CUL2: variants seen among roughly 807,000 people sequenced by gnomAD.
The protein encoded by CUL2 is cullin 2, also known as cullin-2.
CUL2 carries 22 observed loss-of-function variants against 110.2 expected under a neutral mutation model. The ratio of observed to expected loss-of-function variants is 0.20; its 90% CI spans 0.14 to 0.28. The LOEUF (loss-of-function observed/expected upper bound fraction) is 0.28. Ranked by LOEUF, CUL2 falls within the 10% of genes least tolerant of loss-of-function variation. CUL2 has a pLI of 1.00. For missense variants in CUL2, 631 were observed against 905.5 expected (o/e 0.70, Z 3.89); for synonymous variants, 279 against 293.2 (o/e 0.95, Z 0.49).
intron 1 of CUL2, among the ~76,000 whole-genome samples, chr10:35,077,481 A>G (rs2086848763): frequency 6.6e-6 from 1 of 151,970 alleles, no homozygotes; most frequent in South Asian, 2.1e-4. Flanking sequence ...TGGACAACAG[A>G]GCAAGACTCC....
At chr10:35,045,742 T>G (rs1588993242) in intron 6 of CUL2, among the ~76,000 whole-genome samples, 1 of 151,642 alleles carries the variant, frequency 6.6e-6, no homozygotes, top group Non-Finnish European at 1.5e-5. Context: ...AAAATAAAAA[T>G]AAAATAGAAA....
At chr10:35,014,861 A>G (rs962662107) in intron 18 of CUL2, among the ~76,000 whole-genome samples, 1 of 152,214 alleles carries the variant, frequency 6.6e-6, no homozygotes, top group Non-Finnish European at 1.5e-5. Context: ...AATAAAATTT[A>G]AAGTGCAAAC....
In CUL2 at chr10:35,033,175, C is replaced by T. The variant is rs768731643; in HGVS notation, c.1101G>A (p.Ala367=). The stretch of plus-strand genomic sequence containing the variant: ...TGTATTTAAAACTTACCTTATCCAA[C>T]GCACTCATAAAATGCTGATCACCAT... ...VLNGDQHFMS[A]LDKALTSVVN... is the part of the protein sequence containing the mutation. The change falls in exon 11 of 21, where the codon GCG becomes GCA. Residue 367 remains alanine (A), a synonymous_variant. Transcript: ENST00000374749. 9.9e-6 allele frequency: 16 copies of T among 1,609,272 alleles called. No homozygotes were observed. The East Asian group carries it at 1.1e-4, about 11-fold the overall frequency.
At chr10:35,029,715 G>A (rs1367124922) in intron 14 of CUL2, 75 bp from the exon 15 acceptor site, 42 of 1,073,746 alleles carry the variant, frequency 3.9e-5, no homozygotes, top group South Asian at 3.0e-4. Context: ...ATAATGTGTC[G>A]GTATTGCTAG....
intron 8 of CUL2, among the ~76,000 whole-genome samples, chr10:35,041,741 T>C (rs1366588760): frequency 6.6e-6 from 1 of 152,152 alleles, no homozygotes; most frequent in African/African-American, 2.4e-5. Context: ...TTTGCCACGT[T>C]GCCCAGGCTT....
In CUL2 at chr10:35,054,490, G is replaced by T. The variant is rs748930790; in HGVS notation, c.367C>A (p.Leu123Ile). The stretch of plus-strand genomic sequence containing the variant: ...TCTACACCACCATAGCCATACTGAA[G>T]GTCCGCTTCTGTTAATTTATTCTTT... ...IKKNKLTEAD[L>I]QYGYGGVDMN... The change falls in exon 5 of 21, where the codon CTT (leucine) becomes ATT (isoleucine). Residue 123 changes from leucine to isoleucine, a missense_variant. By Grantham distance (5) the Leu-to-Ile change is conservative (BLOSUM62 2). Transcript: ENST00000374749. The T allele has an allele frequency of 3.3e-5, 53 of 1,594,698 alleles. No individual in the cohort carries two copies. The highest frequency in any genetic ancestry group is 4.4e-5 in the Non-Finnish European group (52 of 1,171,990).
chr10:35,099,644 T>C (rs1210767786), intron 2 of CUL2: 1 of 152,016 alleles, frequency 6.6e-6, no homozygotes, highest in Non-Finnish European at 1.5e-5. Flanking sequence ...TGTGTGGTGG[T>C]GCATGCCTAT....
Position 35,031,733 on chromosome 10 carries a change from T to C in CUL2, c.1171-114A>G. Reference sequence around the variant, plus strand: ...ATCAGCGGACAGAATTTTTGCTGTTTTTTTTAGAGACCGGGTCTTGCTCTG... The same window carrying C: ...ATCAGCGGACAGAATTTTTGCTGTTCTTTTTAGAGACCGGGTCTTGCTCTG... On this transcript the variant is annotated intron_variant, in intron 12 of 20. Coordinates refer to ENST00000374749, the MANE Select transcript of CUL2 (RefSeq NM_003591.4). This position sits in a 1 kb window ranked among gnomAD's most constrained non-coding sequence, Gnocchi z 4.4. The C allele has an allele frequency of 9.0e-7, 1 of 1,107,156 alleles. No homozygotes were observed. The highest frequency in any genetic ancestry group is 1.3e-6 in the Non-Finnish European group (1 of 764,170). 68.6% of individuals were successfully genotyped at this position (1,107,156 alleles called of 1,614,324 possible).
At chr10:35,125,555 C>T (rs996161689) in intron 1 of CUL2, among the ~76,000 whole-genome samples, 3 of 152,190 alleles carry the variant, frequency 2.0e-5, no homozygotes, top group Admixed American at 6.5e-5. Context: ...TATGAAAACA[C>T]TCTGACACTA....
chr10:35,114,461 C>T (rs939508180), intron 1 of CUL2, among the ~76,000 whole-genome samples: 2 of 151,932 alleles, frequency 1.3e-5, no homozygotes, highest in Non-Finnish European at 2.9e-5. Context: ...TAGCTTACTG[C>T]AACTTCTGCC....
intron 1 of CUL2, among the ~76,000 whole-genome samples, chr10:35,084,744 T>C (rs995418644): frequency 5.3e-5 from 8 of 152,196 alleles, no homozygotes; most frequent in Non-Finnish European, 1.0e-4. Flanking sequence ...TGCTTGTTTT[T>C]CCAAGATTTA....
At chr10:35,071,023 T>A (rs1351442664) in intron 2 of CUL2, among the ~76,000 whole-genome samples, 176 bp downstream of exon 2, 5 of 152,160 alleles carry the variant, frequency 3.3e-5, no homozygotes, top group Admixed American at 2.6e-4. Context: ...ACTTGTTGAA[T>A]GAAAGGTTAT....
intron 1 of CUL2, among the ~76,000 whole-genome samples, chr10:35,113,348 A>C (rs1246056824): frequency 6.6e-6 from 1 of 150,394 alleles, no homozygotes; most frequent in Non-Finnish European, 1.5e-5. Flanking sequence ...ATACAAAAAA[A>C]CTAGCCAGGC....
intron 1 of CUL2, among the ~76,000 whole-genome samples, chr10:35,112,361 G>A (rs76020716): frequency 0.018 from 2,702 of 152,210 alleles, 34 homozygotes; most frequent in Non-Finnish European, 0.027. Context: ...TGTGATCCCC[G>A]AGCAAAGGGA....
chr10:35,066,206 G>A (rs916282776), intron 2 of CUL2, among the ~76,000 whole-genome samples: 1 of 151,856 alleles, frequency 6.6e-6, no homozygotes, highest in East Asian at 1.9e-4. Flanking sequence ...GGAATAAAAG[G>A]AAAGGTTACC....
intron 6 of CUL2, among the ~76,000 whole-genome samples, chr10:35,048,691 A>C (rs2086013919): frequency 6.6e-6 from 1 of 152,214 alleles, no homozygotes; most frequent in South Asian, 2.1e-4. Flanking sequence ...TTTCCTCTCC[A>C]GCTCTCTATC....
chr10:35,089,280 A>C (rs1374567546), intron 1 of CUL2, among the ~76,000 whole-genome samples: 1 of 152,216 alleles, frequency 6.6e-6, no homozygotes, highest in Non-Finnish European at 1.5e-5. Context: ...TCATTTGTTC[A>C]TGTGTCTGTC....
intron 1 of CUL2, among the ~76,000 whole-genome samples, chr10:35,115,010 G>A (rs1183453272): frequency 4.0e-5 from 6 of 151,702 alleles, no homozygotes; most frequent in Non-Finnish European, 8.8e-5. Context: ...TCAGAAGTTC[G>A]AGACCAGCCT....
intron 17 of CUL2, among the ~76,000 whole-genome samples, chr10:35,022,104 GT>G (rs557201152): frequency 2.6e-5 from 4 of 151,814 alleles, no homozygotes; most frequent in African/African-American, 7.3e-5. Flanking sequence ...CTAGACATGA[GT>G]TTTTTTTGAG....
Sources: allele counts gnomAD v4.1 joint callset (sites outside exome capture counted in the v4.1 genomes callset), GRCh38; gene constraint gnomAD v4.1.1; non-coding constraint Gnocchi (gnomAD v3.1); transcripts MANE v1.5; gene names NCBI Gene and HGNC (gene_info 2026-07-23, HGNC 2026-07-21).